Variants in PLCXD3 observed in about 807,000 individuals in gnomAD.
PLCXD3 encodes the protein phosphatidylinositol specific phospholipase C X domain containing 3.
In PLCXD3, 19 loss-of-function variants were observed where a neutral mutation model predicts 25.5. The ratio of observed to expected loss-of-function variants is 0.75; its 90% confidence interval spans 0.52 to 1.09. PLCXD3 has a LOEUF of 1.09. Ranked by LOEUF, PLCXD3 falls within the 50% of genes least tolerant of loss-of-function variation. The pLI is 0.00. For synonymous variants in PLCXD3, 174 were observed against 137.6 expected, an observed-to-expected ratio of 1.26 and a Z score of -1.85; for missense variants, 411 against 388.1, an observed-to-expected ratio of 1.06 and a Z score of -0.50.
At chr5:41,340,629 C>A (rs1744111857) in intron 2 of PLCXD3, among the ~76,000 whole-genome samples, 1 of 152,044 alleles carries the variant, frequency 6.6e-6, no homozygotes, top group African/African-American at 2.4e-5. Flanking sequence ...CAACACTGAC[C>A]CCAGGGACAG....
intron 1 of PLCXD3, among the ~76,000 whole-genome samples, chr5:41,400,389 A>G (rs1040569772): frequency 6.6e-6 from 1 of 152,156 alleles, no homozygotes; most frequent in African/African-American, 2.4e-5. Context: ...CTGAATTCCT[A>G]TGTTTGTTGC....
At chr5:41,466,847 A>T (rs1309290494) in intron 1 of PLCXD3, among the ~76,000 whole-genome samples, 2 of 152,074 alleles carry the variant, frequency 1.3e-5, no homozygotes, top group African/African-American at 4.8e-5. Context: ...TTAGCATTAT[A>T]TCCTCAAGAT....
chr5:41,458,449 G>A (rs374318474), intron 1 of PLCXD3, among the ~76,000 whole-genome samples: 57 of 152,062 alleles, frequency 3.7e-4, no homozygotes, highest in Middle Eastern at 3.4e-3. Flanking sequence ...AAAGCCATTC[G>A]TTTACCTTGA....
chr5:41,408,488 T>C (rs1746416790), intron 1 of PLCXD3, among the ~76,000 whole-genome samples: 1 of 152,222 alleles, frequency 6.6e-6, no homozygotes, highest in African/African-American at 2.4e-5. Flanking sequence ...TTCTAAGTTT[T>C]GGGAGATGTC....
chr5:41,481,897 C>T (rs116394660), intron 1 of PLCXD3, among the ~76,000 whole-genome samples: 11 of 152,212 alleles, frequency 7.2e-5, no homozygotes, highest in East Asian at 3.9e-4. Context: ...TTGCCCCTAC[C>T]AAAATCAAAG....
chr5:41,383,351 G>A (rs150952260), intron 1 of PLCXD3, among the ~76,000 whole-genome samples: 1 of 151,972 alleles, frequency 6.6e-6, no homozygotes, highest in Admixed American at 6.6e-5. Context: ...GAAGAAAAAG[G>A]ACTATTTATT....
At chr5:41,348,046 T>C (rs536746983) in intron 2 of PLCXD3, among the ~76,000 whole-genome samples, 1 of 152,344 alleles carries the variant, frequency 6.6e-6, no homozygotes, top group Admixed American at 6.5e-5. Flanking sequence ...CTCCAGTGGA[T>C]ATTTGGAGAA....
intron 2 of PLCXD3, among the ~76,000 whole-genome samples, chr5:41,363,324 T>C (rs1350797206): frequency 1.3e-5 from 2 of 152,158 alleles, no homozygotes; most frequent in Non-Finnish European, 2.9e-5. Context: ...ATACACTCAG[T>C]AAATGTTCTG....
chr5:41,386,717 C>T (rs893003816), intron 1 of PLCXD3, among the ~76,000 whole-genome samples: 2 of 151,988 alleles, frequency 1.3e-5, no homozygotes, highest in South Asian at 2.1e-4. Flanking sequence ...GGCCATACGG[C>T]AATGGAAGTC....
chr5:41,374,849 T>C (rs1460489389), intron 2 of PLCXD3, among the ~76,000 whole-genome samples: 1 of 151,888 alleles, frequency 6.6e-6, no homozygotes, highest in African/African-American at 2.4e-5. Context: ...GGTGGAAGGG[T>C]GGGGCTGGAA....
At chr5:41,392,092 C>T (rs1745843699) in intron 1 of PLCXD3, among the ~76,000 whole-genome samples, 1 of 152,180 alleles carries the variant, frequency 6.6e-6, no homozygotes, top group Non-Finnish European at 1.5e-5. Context: ...GACTCTTGGA[C>T]AGCACTTCTG....
At chr5:41,471,051 G>A (rs1219735364) in intron 1 of PLCXD3, among the ~76,000 whole-genome samples, 1 of 152,162 alleles carries the variant, frequency 6.6e-6, no homozygotes. Context: ...ATGACTTATA[G>A]TCAAGGAGCA....
intron 2 of PLCXD3, among the ~76,000 whole-genome samples, chr5:41,332,791 G>A (rs980282745): frequency 3.9e-5 from 6 of 152,136 alleles, no homozygotes; most frequent in Non-Finnish European, 5.9e-5. Flanking sequence ...CATGTCCTTT[G>A]TAGGGACATG....
intron 1 of PLCXD3, among the ~76,000 whole-genome samples, chr5:41,409,325 C>A (rs753124243): frequency 5.3e-5 from 8 of 152,086 alleles, no homozygotes; most frequent in Non-Finnish European, 1.0e-4. Flanking sequence ...GCTGGCTGGG[C>A]TCCAGCCACA....
chr5:41,451,385 G>A (rs927657221), intron 1 of PLCXD3, among the ~76,000 whole-genome samples: 1 of 151,870 alleles, frequency 6.6e-6, no homozygotes, highest in Non-Finnish European at 1.5e-5. Context: ...GAGGGAGATG[G>A]GATTCTATTT....
At chr5:41,461,418 A>G (rs1747872844) in intron 1 of PLCXD3, among the ~76,000 whole-genome samples, 1 of 151,948 alleles carries the variant, frequency 6.6e-6, no homozygotes, top group Admixed American at 6.6e-5. Flanking sequence ...TTGAAGCAAC[A>G]ATTCTCCACT....
At chr5:41,427,765 C>T (rs1746995885) in intron 1 of PLCXD3, among the ~76,000 whole-genome samples, 2 of 152,262 alleles carry the variant, frequency 1.3e-5, no homozygotes, top group South Asian at 4.1e-4. Context: ...ACATTTCCTT[C>T]TTCCATTCAC....
At chr5:41,370,233 T>C (rs779522842) in intron 2 of PLCXD3, among the ~76,000 whole-genome samples, 1 of 152,200 alleles carries the variant, frequency 6.6e-6, no homozygotes, top group Non-Finnish European at 1.5e-5. Context: ...TTAAAATAAG[T>C]TAATTAGCAA....
At chr5:41,409,290 T>A (rs890348918) in intron 1 of PLCXD3, among the ~76,000 whole-genome samples, 5 of 152,064 alleles carry the variant, frequency 3.3e-5, no homozygotes, top group Non-Finnish European at 7.4e-5. Flanking sequence ...GGTGCTAAGG[T>A]CACAAAATGG....
Sources: allele counts gnomAD v4.1 joint callset (sites outside exome capture counted in the v4.1 genomes callset), GRCh38; gene constraint gnomAD v4.1.1; transcripts MANE v1.5; gene names NCBI Gene and HGNC (gene_info 2026-07-23, HGNC 2026-07-21).